The following EYA2 variants were observed in gnomAD, a reference collection of about 807,000 sequenced individuals.
EYA2 encodes EYA transcriptional coactivator and phosphatase 2, also known as protein phosphatase EYA2.
EYA2 carries 31 observed loss-of-function variants against 69.2 expected under a neutral mutation model. That is an observed-to-expected ratio of 0.45 (90% confidence interval 0.34 to 0.60). EYA2 has a LOEUF of 0.60. Among genes scored for constraint, EYA2 ranks in the 20% least tolerant of loss-of-function variants. EYA2 has a pLI of 0.02. For missense variants in EYA2, 622 were observed against 701.2 expected, an observed-to-expected ratio of 0.89 and a Z score of 1.28; for synonymous variants, 257 against 279.4, an observed-to-expected ratio of 0.92 and a Z score of 0.80.
At chr20:47,013,987 C>A (rs982076564) in intron 4 of EYA2, among the ~76,000 whole-genome samples, 2 of 152,112 alleles carry the variant, frequency 1.3e-5, no homozygotes, top group Non-Finnish European at 2.9e-5. Flanking sequence ...GACCCCAGTC[C>A]AATGGATTGG....
chr20:47,035,714 C>T (rs1362531314), intron 5 of EYA2, among the ~76,000 whole-genome samples: 2 of 151,920 alleles, frequency 1.3e-5, no homozygotes, highest in African/African-American at 4.8e-5. Flanking sequence ...GCTGAATGAT[C>T]ATAAAAATAG....
At chr20:46,976,119 G>A (rs1050134433) in intron 1 of EYA2, among the ~76,000 whole-genome samples, 1 of 152,164 alleles carries the variant, frequency 6.6e-6, no homozygotes, top group African/African-American at 2.4e-5. Flanking sequence ...CCTGCACCTC[G>A]GGAGGCCGAA....
intron 4 of EYA2, among the ~76,000 whole-genome samples, chr20:47,008,400 G>T (rs1982857086): frequency 6.6e-6 from 1 of 152,208 alleles, no homozygotes; most frequent in South Asian, 2.1e-4. Flanking sequence ...GCCTGGCTGT[G>T]CATTCTGTAA....
intron 5 of EYA2, among the ~76,000 whole-genome samples, chr20:47,036,210 C>T (rs372407227): frequency 7.2e-4 from 110 of 152,156 alleles, no homozygotes; most frequent in African/African-American, 2.5e-3. Context: ...GGATCAGGGC[C>T]GGGACTAGCA....
At chr20:47,171,301 C>A (rs1019161198) in intron 11 of EYA2, among the ~76,000 whole-genome samples, 3 of 152,200 alleles carry the variant, frequency 2.0e-5, no homozygotes, top group Admixed American at 6.5e-5. Context: ...TCCTTAGAGA[C>A]CAAATTCTCC....
intron 2 of EYA2, among the ~76,000 whole-genome samples, chr20:46,994,603 T>C (rs1259303332): frequency 6.6e-6 from 1 of 152,166 alleles, no homozygotes; most frequent in South Asian, 2.1e-4. Flanking sequence ...GGGTTTTGAT[T>C]CATTTCATCC....
intron 1 of EYA2, chr20:46,901,233 C>G (rs1035335842): frequency 6.6e-6 from 1 of 152,128 alleles, no homozygotes; most frequent in Non-Finnish European, 1.5e-5. Context: ...CAGATGTTTC[C>G]TACCTGGTAT....
At chr20:46,920,934 G>A (rs1475043203) in intron 1 of EYA2, among the ~76,000 whole-genome samples, 1 of 152,240 alleles carries the variant, frequency 6.6e-6, no homozygotes, top group Admixed American at 6.5e-5. Context: ...GCACAATGCA[G>A]CTTTCCTTTC....
chr20:47,052,975 T>C lies in EYA2; in HGVS notation c.416-19210T>C, dbSNP rs6066182. Reference sequence around the variant, plus strand: ...ACCATCTGGGTAGGACCTGGTGTCATTGAGTGTGTCCCCTATGTGGTCCTG... The same window carrying C: ...ACCATCTGGGTAGGACCTGGTGTCACTGAGTGTGTCCCCTATGTGGTCCTG... On this transcript the variant is annotated intron_variant, in intron 5 of 15. Transcript: ENST00000327619. Among the ~76,000 whole-genome samples the C allele has an allele frequency of 3.8e-3, 584 of 152,330 alleles. 1 individual carries two copies. Among genetic ancestry groups the C allele is most frequent in the South Asian group, 6.8e-3 (33 of 4,832 alleles).
At chr20:46,956,147 T>G (rs977361831) in intron 1 of EYA2, among the ~76,000 whole-genome samples, 2 of 152,234 alleles carry the variant, frequency 1.3e-5, no homozygotes, top group African/African-American at 2.4e-5. Flanking sequence ...TTAGGTTTTT[T>G]GTGGGAGCAG....
intron 8 of EYA2, among the ~76,000 whole-genome samples, chr20:47,094,354 A>G (rs2032183568): frequency 6.6e-6 from 1 of 152,210 alleles, no homozygotes; most frequent in African/African-American, 2.4e-5. Flanking sequence ...ATTTTCAAAC[A>G]TTTTTACCAT....
intron 1 of EYA2, among the ~76,000 whole-genome samples, chr20:46,899,527 G>A (rs545029757): frequency 4.1e-4 from 63 of 152,314 alleles, no homozygotes; most frequent in East Asian, 2.1e-3. Context: ...TAAATTTACC[G>A]GCAGTGGAGA....
chr20:47,029,362 G>A (rs954600924), intron 5 of EYA2, among the ~76,000 whole-genome samples: 4 of 152,256 alleles, frequency 2.6e-5, no homozygotes, highest in African/African-American at 9.6e-5. Flanking sequence ...TGGCCACCCT[G>A]TAGCTCGCCA....
intron 10 of EYA2, among the ~76,000 whole-genome samples, chr20:47,147,916 AG>A (rs1328761424): frequency 6.6e-6 from 1 of 151,912 alleles, no homozygotes; most frequent in East Asian, 1.9e-4. Flanking sequence ...AAAATTAGCC[AG>A]GTGTGGTAGC....
intron 9 of EYA2, among the ~76,000 whole-genome samples, chr20:47,142,241 A>G (rs1415926855): frequency 2.6e-5 from 4 of 152,172 alleles, no homozygotes; most frequent in Admixed American, 1.3e-4. Context: ...CAGCTTGCCA[A>G]CCCCTGCTAC....
intron 9 of EYA2, among the ~76,000 whole-genome samples, chr20:47,114,481 G>T (rs2146545905): frequency 6.6e-6 from 1 of 152,262 alleles, no homozygotes; most frequent in Admixed American, 6.5e-5. Context: ...CGAGAGTGGT[G>T]GTGTGCGCCT....
intron 1 of EYA2, among the ~76,000 whole-genome samples, chr20:46,910,761 G>A: frequency 6.6e-6 from 1 of 152,230 alleles, no homozygotes; most frequent in East Asian, 1.9e-4. Context: ...TGGCAATCAA[G>A]ATGTGTTTTG....
chr20:47,164,775 A>T (rs1020009056), intron 10 of EYA2, among the ~76,000 whole-genome samples: 3 of 152,192 alleles, frequency 2.0e-5, no homozygotes, highest in Non-Finnish European at 4.4e-5. Flanking sequence ...ATCTGGAGAG[A>T]GAACAAGAAC....
chr20:46,912,687 A>ATT (rs11473019), intron 1 of EYA2, among the ~76,000 whole-genome samples: 6,355 of 145,660 alleles, frequency 0.044, 207 homozygotes, highest in African/African-American at 0.088. Context: ...GGAATTTTTA[A>ATT]TTTTTTTTTT....
Sources: gnomAD v4.1 joint callset for allele counts (sites outside exome capture counted in the v4.1 genomes callset) on GRCh38, gnomAD v4.1.1 for gene constraint, MANE v1.5 for transcripts, NCBI Gene and HGNC (gene_info 2026-07-23, HGNC 2026-07-21) for gene names.